Variants in ACACA observed in about 807,000 individuals in gnomAD.
ACACA encodes acetyl-CoA carboxylase alpha.
ACACA carries 103 observed loss-of-function variants against 296.1 expected under a neutral mutation model. The ratio of observed to expected loss-of-function variants is 0.35; its 90% CI spans 0.30 to 0.41. The LOEUF (loss-of-function observed/expected upper bound fraction) is 0.41. Among genes scored for constraint, ACACA ranks in the 10% least tolerant of loss-of-function variants. The pLI, the probability that ACACA is intolerant of heterozygous loss-of-function variation, is 1.00. For missense variants in ACACA, 1,554 were observed against 2,989.7 expected, an observed-to-expected ratio of 0.52 and a Z score of 11.20; for synonymous variants, 953 against 1,038.6, an observed-to-expected ratio of 0.92 and a Z score of 1.58.
chr17:37,216,869 T>C (rs2079022077), intron 29 of ACACA, among the ~76,000 whole-genome samples: 1 of 151,418 alleles, frequency 6.6e-6, no homozygotes, highest in South Asian at 2.1e-4. Context: ...AAAAAAACTC[T>C]GCTGCCAGTT....
At chr17:37,162,743 T>A (rs1480057101) in intron 41 of ACACA, 1 of 209,200 alleles carries the variant, frequency 4.8e-6, no homozygotes, top group Non-Finnish European at 9.6e-6. Context: ...TCAAGTCCCG[T>A]CTCTGGTACT....
intron 3 of ACACA, among the ~76,000 whole-genome samples, chr17:37,322,186 A>T (rs1336794518): frequency 6.6e-6 from 1 of 152,232 alleles, no homozygotes; most frequent in Non-Finnish European, 1.5e-5. Flanking sequence ...ATAGAAATAT[A>T]ACTCAACTTC....
intron 10 of ACACA, among the ~76,000 whole-genome samples, chr17:37,269,796 T>C (rs2081988330): frequency 6.8e-6 from 1 of 148,016 alleles, no homozygotes. Context: ...AAAGGTAGCA[T>C]GGCACACTAG....
intron 1 of ACACA, among the ~76,000 whole-genome samples, chr17:37,383,847 G>T (rs1456591009): frequency 2.6e-5 from 4 of 152,234 alleles, no homozygotes; most frequent in African/African-American, 9.6e-5. Context: ...CACCTCACTT[G>T]GTCCAAAACA....
rs1487968572 is a variant in ACACA, at chr17:37,113,926, T to C, written c.6275-661A>G. 6.6e-6 allele frequency among the ~76,000 whole-genome samples: 1 copy of C among 152,102 alleles called. No homozygotes were observed. Among genetic ancestry groups the C allele is most frequent in the Non-Finnish European group, 1.5e-5 (1 of 68,010 alleles). ...TTAACAGTTGCATTTTTATAGGGTA[T>C]CAATGAGAGAAAAATTTTAAAAATA... On this transcript the variant is annotated intron_variant, in intron 50 of 55. Coordinates refer to ENST00000616317, the MANE Select transcript of ACACA (RefSeq NM_198834.3). The surrounding 1 kb of genome is among the most constrained non-coding windows in gnomAD (Gnocchi z 4.0).
chr17:37,240,486 T>C lies in ACACA; in HGVS notation c.3111A>G (p.Gln1037=), dbSNP rs1226528867. 4 of 1,613,624 alleles carry C rather than the reference T, an allele frequency of 2.5e-6. No individual in the cohort carries two copies. The highest frequency in any genetic ancestry group is 1.1e-5 in the South Asian group (1 of 91,012). The change falls in exon 24 of 56, where the codon CAA becomes CAG. Residue 1037 remains glutamine (Q), a synonymous_variant. Transcript: ENST00000616317. The stretch of plus-strand genomic sequence containing the variant: ...CAGGAAGAGGCTTACCATTCTGGAA[T>C]TGTGTCTCTACTCGCAGGTACTGCC... The part of the protein sequence containing the change: ...LLRQYLRVET[Q]FQNGHYDKCV...
chr17:37,299,149 T>TA (rs1010022388), intron 3 of ACACA: 73 of 953,222 alleles, frequency 7.7e-5, no homozygotes, highest in Middle Eastern at 3.4e-4. Context: ...TTCATTTTCT[T>TA]AAAAAAAATA....
At chr17:37,347,618 T>C (rs947461281) in intron 1 of ACACA, among the ~76,000 whole-genome samples, 12 of 151,914 alleles carry the variant, frequency 7.9e-5, no homozygotes, top group Admixed American at 5.3e-4. Context: ...AATAACTATT[T>C]TAGGCCAGGT....
intron 1 of ACACA, among the ~76,000 whole-genome samples, chr17:37,371,446 G>A (rs538498092): frequency 6.6e-6 from 1 of 152,222 alleles, no homozygotes; most frequent in East Asian, 1.9e-4. Flanking sequence ...CGGAGGACCA[G>A]AGGCACAGAC....
chr17:37,267,401 A>AATGGGCTCTTCAC (rs1266259653), intron 10 of ACACA, among the ~76,000 whole-genome samples: 1 of 152,160 alleles, frequency 6.6e-6, no homozygotes. Flanking sequence ...AGTAGGCTAG[A>AATGGGCTCTTCAC]ATGGGCTCTT....
chr17:37,222,897 T>G (rs1022048443), intron 28 of ACACA, among the ~76,000 whole-genome samples: 1 of 152,192 alleles, frequency 6.6e-6, no homozygotes, highest in African/African-American at 2.4e-5. Flanking sequence ...ACAGAAGTCT[T>G]TGGAGTCAGA....
Position 37,086,307 on chromosome 17 carries a change from G to A in ACACA, c.*1009C>T, listed in dbSNP as rs2072193080. The A allele has an allele frequency of 6.5e-6, 1 of 153,030 alleles. No individual in the cohort carries two copies. The highest frequency in any genetic ancestry group is 6.5e-5 in the Admixed American group (1 of 15,306). 9.5% of individuals were successfully genotyped at this position (153,030 alleles called of 1,614,324 possible). A position where few individuals can be genotyped will look rare whatever the true frequency, so the allele number is the denominator to read the frequency against. ...GGAACTAGGGAAGAGTGAGTGTGGA[G>A]GCACCATTAACCTCTCAAAACCATC... On this transcript the variant is annotated 3_prime_UTR_variant, in exon 56 of 56. Transcript: ENST00000616317.
intron 1 of ACACA, among the ~76,000 whole-genome samples, chr17:37,381,296 C>T (rs1412859549): frequency 6.6e-6 from 1 of 151,978 alleles, no homozygotes. Context: ...CGTGATTCTC[C>T]TGTCTCAGCT....
chr17:37,256,861 T>C (rs532325835), intron 14 of ACACA, among the ~76,000 whole-genome samples: 6 of 152,312 alleles, frequency 3.9e-5, no homozygotes, highest in Non-Finnish European at 8.8e-5. Context: ...TTAATACTAA[T>C]AAACACTTAT....
chr17:37,142,010 T>C (rs2075606327), intron 45 of ACACA, among the ~76,000 whole-genome samples: 1 of 149,620 alleles, frequency 6.7e-6, no homozygotes, highest in South Asian at 2.1e-4. Flanking sequence ...TTGTTTTTTT[T>C]TGTTTTTTTT....
At chr17:37,359,456 GC>G (rs1359609885) in intron 1 of ACACA, among the ~76,000 whole-genome samples, 1 of 151,882 alleles carries the variant, frequency 6.6e-6, no homozygotes, top group Non-Finnish European at 1.5e-5. Context: ...CAGTCGTGGC[GC>G]CCCTGGCCCG....
rs765681781 is a variant in ACACA at position 37,149,948 on chromosome 17, C to T, written c.5595G>A (p.Gly1865=). ...TCTGTCCCAGCCGGACAAGGTAAGC[C>T]CCAATCCCAATGGCCCGGCACGTCA... ...SLVTCRAIGI[G]AYLVRLGQRT... The change falls in exon 45 of 56, where the codon GGG becomes GGA. Residue 1865 remains glycine (G), a synonymous_variant. Transcript: ENST00000616317. 1 of 1,614,128 alleles carries T rather than the reference C, an allele frequency of 6.2e-7. No homozygotes were observed. The highest frequency in any genetic ancestry group is 8.5e-7 in the Non-Finnish European group (1 of 1,180,008).
rs180856258 is a variant in ACACA, at chr17:37,162,125, C to T, written c.5080-75G>A. On this transcript the variant is annotated intron_variant, in intron 41 of 55. Coordinates refer to ENST00000616317, the MANE Select transcript of ACACA (RefSeq NM_198834.3). ...TTTTTTTCAGGTTCATTGAAGGTATCAGAGTATACCTAGGCACAGCCATTA... is the reference window on the plus strand; with the variant it reads ...TTTTTTTCAGGTTCATTGAAGGTATTAGAGTATACCTAGGCACAGCCATTA... 12 of 1,480,630 alleles carry T rather than the reference C, an allele frequency of 8.1e-6. No homozygotes were observed. The Admixed American group carries it at 8.5e-5, about 11-fold the overall frequency. The allele number at this position is 1,480,630 out of a possible 1,614,324, so 91.7% of individuals were successfully genotyped here.
intron 41 of ACACA, among the ~76,000 whole-genome samples, chr17:37,165,127 G>A (rs901121543): frequency 1.1e-4 from 7 of 63,776 alleles, no homozygotes; most frequent in Admixed American, 1.5e-4. Context: ...ACCCCGCCCC[G>A]CCCCCCATCT....
Sources: allele counts gnomAD v4.1 joint callset (sites outside exome capture counted in the v4.1 genomes callset), GRCh38; gene constraint gnomAD v4.1.1; non-coding constraint Gnocchi (gnomAD v3.1); transcripts MANE v1.5; gene names NCBI Gene and HGNC (gene_info 2026-07-23, HGNC 2026-07-21).